RYR2: variants seen among roughly 807,000 people sequenced by gnomAD.
RYR2 encodes cardiac muscle ryanodine receptor-calcium release channel.
In RYR2, 227 loss-of-function variants were observed where a neutral mutation model predicts 601.1. That is an observed-to-expected ratio of 0.38 (90% confidence interval 0.34 to 0.42). RYR2 has a LOEUF of 0.42. Among genes scored for constraint, RYR2 ranks in the 10% least tolerant of loss-of-function variants. RYR2 has a pLI of 1.00. For missense variants in RYR2, 4,646 were observed against 6,156.5 expected, an observed-to-expected ratio of 0.75 and a Z score of 8.21; for synonymous variants, 2,223 against 2,175.1, an observed-to-expected ratio of 1.02 and a Z score of -0.61.
chr1:237,170,578 A>C (rs554331290), intron 1 of RYR2, among the ~76,000 whole-genome samples: 1 of 152,338 alleles, frequency 6.6e-6, no homozygotes, highest in South Asian at 2.1e-4. Context: ...TTTCACTCTC[A>C]TCACAAGTCT....
intron 12 of RYR2, among the ~76,000 whole-genome samples, chr1:237,433,005 G>T (rs1706982159): frequency 7.0e-6 from 1 of 143,722 alleles, no homozygotes; most frequent in African/African-American, 2.6e-5. Flanking sequence ...AAAACTATCT[G>T]CTAATTAAAA....
At chr1:237,593,772 T>C in intron 33 of RYR2, 136 bp downstream of exon 33, 6 of 901,756 alleles carry the variant, frequency 6.7e-6, no homozygotes, top group Non-Finnish European at 1.0e-5. Flanking sequence ...TTAATGTCAA[T>C]GTCGTTTTTG....
In RYR2 at chr1:237,623,355, C is replaced by CTTTGTTTCTTTCTTTCTTTGTTTG. The variant is rs1349012544; in HGVS notation, c.5917-391_5917-390insGTTTGTTTGTTTCTTTCTTTCTTT. Among the ~76,000 whole-genome samples, 80 of 111,922 alleles carry CTTTGTTTCTTTCTTTCTTTGTTTG rather than the reference C, an allele frequency of 7.1e-4. 1 individual carries two copies. The East Asian group carries it at 7.2e-3, about 10-fold the overall frequency. 73.4% of individuals were successfully genotyped at this position (111,922 alleles called of 152,430 possible). Reference sequence around the variant, plus strand: ...TTGCTTTTGTGGTAGTTGTGCCTTTCTTTGTTTCTTTCTTTCTTTCTTTCT... The same window carrying CTTTGTTTCTTTCTTTCTTTGTTTG: ...TTGCTTTTGTGGTAGTTGTGCCTTTCTTTGTTTCTTTCTTTCTTTGTTTGTTTGTTTCTTTCTTTCTTTCTTTCT... On this transcript the variant is annotated intron_variant, in intron 38 of 104. Coordinates refer to ENST00000366574, the MANE Select transcript of RYR2 (RefSeq NM_001035.3).
chr1:237,633,511 C>G (rs878905518), intron 42 of RYR2, 67 bp from the exon 43 acceptor site: 3 of 1,592,926 alleles, frequency 1.9e-6, no homozygotes, highest in South Asian at 2.2e-5. Context: ...ATTGAGACCT[C>G]AACGTATGAA....
intron 12 of RYR2, among the ~76,000 whole-genome samples, chr1:237,431,613 C>A (rs550799176): frequency 6.6e-6 from 1 of 152,242 alleles, no homozygotes; most frequent in East Asian, 1.9e-4. Flanking sequence ...CAATTTTTCA[C>A]TTTTAAGCTG....
chr1:237,308,136 A>G (rs1331478477), intron 2 of RYR2, among the ~76,000 whole-genome samples: 1 of 152,266 alleles, frequency 6.6e-6, no homozygotes, highest in Non-Finnish European at 1.5e-5. Flanking sequence ...ATGTTTAAAC[A>G]GACCCAGACT....
intron 1 of RYR2, among the ~76,000 whole-genome samples, chr1:237,061,212 T>TCTAC (rs1662791906): frequency 2.3e-4 from 1 of 4,336 alleles, no homozygotes; most frequent in Non-Finnish European, 6.2e-4. Flanking sequence ...ATACGGTTGT[T>TCTAC]CTATCTATCT....
At chr1:237,776,486 A>AATC (rs1202172640) in intron 87 of RYR2, among the ~76,000 whole-genome samples, 4 of 152,156 alleles carry the variant, frequency 2.6e-5, no homozygotes, top group Non-Finnish European at 5.9e-5. Flanking sequence ...TCACAAGAAT[A>AATC]ATCTCATTTC....
chr1:237,042,462 G>T lies in RYR2; in HGVS notation c.-60G>T. On this transcript the variant is annotated 5_prime_UTR_variant, in exon 1 of 105. Coordinates refer to ENST00000366574, the MANE Select transcript of RYR2 (RefSeq NM_001035.3). ...GAAGCAGAAGGCAGCGCCAGGGGCC[G>T]CCGCCGCCGCCGAGCTCCGCGGGGC... 8.1e-7 allele frequency: 1 copy of T among 1,234,038 alleles called. No homozygotes were observed. The highest frequency in any genetic ancestry group is 1.6e-5 in the African/African-American group (1 of 63,940). The allele number at this position is 1,234,038 out of a possible 1,614,324, so 76.4% of individuals were successfully genotyped here.
Position 237,674,199 on chromosome 1 carries a change from C to G in RYR2, c.8694C>G (p.Ile2898Met). The G allele has an allele frequency of 6.2e-7, 1 of 1,611,984 alleles. No individual in the cohort carries two copies. The highest frequency in any genetic ancestry group is 8.5e-7 in the Non-Finnish European group (1 of 1,178,252). The stretch of plus-strand genomic sequence containing the variant: ...AGGACATCCTCAAGTTCTTGCAGAT[C>G]AATGGATATGCTGTATCCAGGTAAA... ...KAQDILKFLQINGYAVSRGFK... is the reference protein window; with the variant it reads ...KAQDILKFLQMNGYAVSRGFK... Residue 2898 changes from isoleucine to methionine, a missense_variant, in exon 59 of 105, where the codon ATC becomes ATG. Physicochemically the swap from Ile to Met is conservative, Grantham distance 10 (BLOSUM62 1). This residue lies in a region of RYR2 where 1,497 missense variants were observed against 1,842.6 expected (regional missense o/e 0.81). Transcript: ENST00000366574.
intron 1 of RYR2, among the ~76,000 whole-genome samples, chr1:237,233,219 T>C (rs1685176581): frequency 6.6e-6 from 1 of 152,234 alleles, no homozygotes; most frequent in Non-Finnish European, 1.5e-5. Context: ...TGCTGTAAAT[T>C]AGTGTTTGGT....
intron 1 of RYR2, among the ~76,000 whole-genome samples, chr1:237,090,296 G>C (rs559319506): frequency 6.6e-6 from 1 of 152,290 alleles, no homozygotes; most frequent in East Asian, 1.9e-4. Context: ...CTGTAAATAT[G>C]TTACTTTACA....
intron 35 of RYR2, among the ~76,000 whole-genome samples, chr1:237,609,086 C>T (rs1420701828): frequency 6.9e-6 from 1 of 145,630 alleles, no homozygotes; most frequent in Non-Finnish European, 1.5e-5. Flanking sequence ...GACAGTCTCA[C>T]TCTGTCACCC....
chr1:237,537,539 T>C lies in RYR2; in HGVS notation c.2906+7029T>C, dbSNP rs1166090807. Among the ~76,000 whole-genome samples, 2 of 152,300 alleles carry C rather than the reference T, an allele frequency of 1.3e-5. 1 individual carries two copies. The highest frequency in any genetic ancestry group is 2.9e-5 in the Non-Finnish European group (2 of 68,028). On this transcript the variant is annotated intron_variant, in intron 25 of 104. Coordinates refer to ENST00000366574, the MANE Select transcript of RYR2 (RefSeq NM_001035.3). ...CATGTTGGTCAGGCTGGTCTTGAGC[T>C]CCTGACCTCAGGTGATCCGCCTGCC...
intron 81 of RYR2, 128 bp from the exon 82 acceptor site, chr1:237,757,568 TC>T (rs1024874207): frequency 9.2e-5 from 50 of 544,802 alleles, no homozygotes; most frequent in Non-Finnish European, 1.6e-4. Context: ...TAAGTCAGTC[TC>T]CCTATGCCAT....
At chr1:237,456,810 C>A in intron 16 of RYR2, 75 bp downstream of exon 16, 1 of 1,451,726 alleles carries the variant, frequency 6.9e-7, no homozygotes. Context: ...GGTGTGATGG[C>A]TCATGCCTGT....
chr1:237,048,452 C>T (rs1245704431), intron 1 of RYR2, among the ~76,000 whole-genome samples: 1 of 152,072 alleles, frequency 6.6e-6, no homozygotes, highest in Non-Finnish European at 1.5e-5. Context: ...AAATCGGCAA[C>T]CCACCTAGAA....
At chr1:237,515,098 T>G (rs1666284652) in intron 24 of RYR2, among the ~76,000 whole-genome samples, 1 of 152,208 alleles carries the variant, frequency 6.6e-6, no homozygotes, top group South Asian at 2.1e-4. Context: ...CAACTTACTT[T>G]AGACTTCCAT....
chr1:237,359,849 C>T (rs977477020), intron 4 of RYR2, among the ~76,000 whole-genome samples: 2 of 152,164 alleles, frequency 1.3e-5, no homozygotes, highest in Non-Finnish European at 2.9e-5. Context: ...CCATCTACTC[C>T]ACTCCTAGCC....
Sources: allele counts gnomAD v4.1 joint callset (sites outside exome capture counted in the v4.1 genomes callset), GRCh38; gene constraint gnomAD v4.1.1; regional missense constraint gnomAD v4.1.1; transcripts MANE v1.5; gene names NCBI Gene and HGNC (gene_info 2026-07-23, HGNC 2026-07-21).